Variants in ZSWIM6 observed in about 807,000 individuals in gnomAD.
The protein encoded by ZSWIM6 is zinc finger SWIM domain-containing protein 6.
In ZSWIM6, 9 loss-of-function variants were observed where a neutral mutation model predicts 113.2. That is an observed-to-expected ratio of 0.08 (90% CI 0.05 to 0.14). ZSWIM6 has a LOEUF of 0.14. Ranked by LOEUF, ZSWIM6 falls within the 10% of genes least tolerant of loss-of-function variation. The probability of loss-of-function intolerance (pLI) is 1.00; values close to 1 mark genes in which losing one functional copy is unlikely to be tolerated. For missense variants in ZSWIM6, 1,162 were observed against 1,552.2 expected (o/e 0.75, Z 4.22); for synonymous variants, 611 against 606.5 (o/e 1.01, Z -0.11).
At chr5:61,428,521 C>T (rs1035108478) in intron 1 of ZSWIM6, among the ~76,000 whole-genome samples, 19 of 147,402 alleles carry the variant, frequency 1.3e-4, no homozygotes, top group African/African-American at 4.4e-4. Flanking sequence ...CACCGCTACA[C>T]GCAGCTAACT....
intron 12 of ZSWIM6, among the ~76,000 whole-genome samples, chr5:61,540,923 T>G (rs1007836971): frequency 9.5e-6 from 1 of 105,776 alleles, no homozygotes; most frequent in African/African-American, 3.9e-5. Context: ...TGGGTTTTTT[T>G]TTTTTTTTTT....
At chr5:61,440,135 G>C (rs1746795137) in intron 1 of ZSWIM6, among the ~76,000 whole-genome samples, 1 of 152,026 alleles carries the variant, frequency 6.6e-6, no homozygotes, top group African/African-American at 2.4e-5. Flanking sequence ...AAAAAAGCGC[G>C]AGAGTATATT....
intron 1 of ZSWIM6, among the ~76,000 whole-genome samples, chr5:61,413,415 T>C (rs1746185354): frequency 3.3e-5 from 5 of 152,142 alleles, no homozygotes; most frequent in African/African-American, 1.2e-4. Context: ...CTTAATCCAG[T>C]CTATCATTGT....
At chr5:61,452,343 G>T (rs1435666060) in intron 1 of ZSWIM6, among the ~76,000 whole-genome samples, 1 of 151,960 alleles carries the variant, frequency 6.6e-6, no homozygotes, top group Non-Finnish European at 1.5e-5. Context: ...GGATATTTGG[G>T]TTACCAGCTT....
intron 1 of ZSWIM6, among the ~76,000 whole-genome samples, chr5:61,467,452 A>G (rs1224994551): frequency 6.6e-6 from 1 of 152,208 alleles, no homozygotes; most frequent in East Asian, 1.9e-4. Context: ...ATTACATTAC[A>G]CATTGCGTAC....
At chr5:61,375,653 G>T (rs1363767505) in intron 1 of ZSWIM6, 19 of 1,544,608 alleles carry the variant, frequency 1.2e-5, no homozygotes, top group Non-Finnish European at 1.5e-5. Flanking sequence ...AGCAAAAAGA[G>T]AAAGATGTAT....
chr5:61,512,532 A>G (rs765683843), intron 4 of ZSWIM6, among the ~76,000 whole-genome samples: 91 of 152,152 alleles, frequency 6.0e-4, no homozygotes, highest in Non-Finnish European at 1.0e-3. Flanking sequence ...ACTTCATGTG[A>G]AACCGCCAAA....
At chr5:61,333,203 G>GC (rs1462256488) in intron 1 of ZSWIM6, among the ~76,000 whole-genome samples, 5 of 151,764 alleles carry the variant, frequency 3.3e-5, no homozygotes, top group Non-Finnish European at 5.9e-5. Flanking sequence ...TGGGCTCCGC[G>GC]CCCCCGGCCC....
At chr5:61,487,439 A>C (rs1175213713) in intron 2 of ZSWIM6, among the ~76,000 whole-genome samples, 1 of 151,826 alleles carries the variant, frequency 6.6e-6, no homozygotes, top group Non-Finnish European at 1.5e-5. Flanking sequence ...GAAAAATGTC[A>C]ATATTTGGAT....
intron 1 of ZSWIM6, among the ~76,000 whole-genome samples, chr5:61,392,813 T>C (rs1237987381): frequency 6.6e-6 from 1 of 151,968 alleles, no homozygotes; most frequent in Non-Finnish European, 1.5e-5. Context: ...GGTTTCTCCA[T>C]GTTGGTCAGG....
At chr5:61,391,751 C>T in intron 1 of ZSWIM6, 1 of 1,112,062 alleles carries the variant, frequency 9.0e-7, no homozygotes, top group East Asian at 2.4e-5. Flanking sequence ...GTGAGGTGGA[C>T]CAGCTTGGAA....
intron 1 of ZSWIM6, among the ~76,000 whole-genome samples, chr5:61,455,820 C>CCCCCCG (rs927056751): frequency 5.9e-5 from 6 of 101,072 alleles, no homozygotes; most frequent in East Asian, 3.7e-4. Context: ...CGCCTTCTCT[C>CCCCCCG]CCCCCGCCCC....
chr5:61,434,988 CT>C (rs1410792703), intron 1 of ZSWIM6, among the ~76,000 whole-genome samples: 3 of 152,072 alleles, frequency 2.0e-5, no homozygotes, highest in African/African-American at 7.2e-5. Flanking sequence ...GCTGTATTCC[CT>C]TGACACAATT....
At chr5:61,430,568 AT>A (rs529782714) in intron 1 of ZSWIM6, among the ~76,000 whole-genome samples, 1 of 151,546 alleles carries the variant, frequency 6.6e-6, no homozygotes, top group Non-Finnish European at 1.5e-5. Context: ...GTATACGCAG[AT>A]TTTTTTTTCC....
chr5:61,439,332 G>C (rs1253434696), intron 1 of ZSWIM6, among the ~76,000 whole-genome samples: 1 of 151,562 alleles, frequency 6.6e-6, no homozygotes, highest in Non-Finnish European at 1.5e-5. Flanking sequence ...AGCCAAAAAT[G>C]AATAAAATCA....
chr5:61,344,188 C>T (rs959295932), intron 1 of ZSWIM6, among the ~76,000 whole-genome samples: 1 of 152,192 alleles, frequency 6.6e-6, no homozygotes, highest in African/African-American at 2.4e-5. Context: ...AGCCACTGTG[C>T]CTGGCCAGGA....
chr5:61,389,554 C>CAAAAAAAAAAAAAAAAAAAAAAAAAAA (rs60533774), intron 1 of ZSWIM6, among the ~76,000 whole-genome samples: 2 of 50,988 alleles, frequency 3.9e-5, no homozygotes, highest in Non-Finnish European at 7.8e-5. Context: ...GACTCAGTCT[C>CAAAAAAAAAAAAAAAAAAAAAAAAAAA]AAAAAAAAAA....
chr5:61,442,342 T>G (rs1746857438), intron 1 of ZSWIM6, among the ~76,000 whole-genome samples: 1 of 152,190 alleles, frequency 6.6e-6, no homozygotes, highest in African/African-American at 2.4e-5. Flanking sequence ...TCCCACCCTT[T>G]TTATTGATCA....
chr5:61,397,792 A>G (rs538966318), intron 1 of ZSWIM6, among the ~76,000 whole-genome samples: 1 of 152,332 alleles, frequency 6.6e-6, no homozygotes, highest in East Asian at 1.9e-4. Flanking sequence ...CTCCAAGTGT[A>G]GAGAATGGGC....
Sources: gnomAD v4.1 joint callset for allele counts (sites outside exome capture counted in the v4.1 genomes callset) on GRCh38, gnomAD v4.1.1 for gene constraint, MANE v1.5 for transcripts, NCBI Gene and HGNC (gene_info 2026-07-23, HGNC 2026-07-21) for gene names.